DISC1: variants seen among roughly 807,000 people sequenced by gnomAD.
The protein encoded by DISC1 is disrupted in schizophrenia 1 protein.
Under a neutral mutation model 84.5 loss-of-function variants are expected in DISC1, and 57 were observed. That is an observed-to-expected ratio of 0.67 (90% CI 0.55 to 0.84). DISC1 has a LOEUF of 0.84. Among genes scored for constraint, DISC1 ranks in the 40% least tolerant of loss-of-function variants. DISC1 has a pLI of 0.00. For missense variants in DISC1, 1,000 were observed against 1,057.8 expected (o/e 0.95, Z 0.76); for synonymous variants, 411 against 415.2 (o/e 0.99, Z 0.12).
At chr1:231,887,845 G>A (rs1222959325) in intron 9 of DISC1, among the ~76,000 whole-genome samples, 1 of 152,180 alleles carries the variant, frequency 6.6e-6, no homozygotes, top group Non-Finnish European at 1.5e-5. Context: ...AACTTTAAAG[G>A]TGAATTATTC....
chr1:231,641,899 C>A (rs2883923), intron 1 of DISC1, among the ~76,000 whole-genome samples: 3 of 152,212 alleles, frequency 2.0e-5, no homozygotes, highest in African/African-American at 7.2e-5. Context: ...CAGTGGATCC[C>A]GCACCGGGGC....
intron 2 of DISC1, among the ~76,000 whole-genome samples, chr1:231,699,989 G>A (rs753844204): frequency 6.6e-6 from 1 of 152,120 alleles, no homozygotes; most frequent in Non-Finnish European, 1.5e-5. Flanking sequence ...CCCTCTGTGG[G>A]AATATTTTTC....
chr1:231,757,900 C>A (rs966367151), intron 4 of DISC1, among the ~76,000 whole-genome samples: 1 of 151,932 alleles, frequency 6.6e-6, no homozygotes, highest in African/African-American at 2.4e-5. Flanking sequence ...CCGATTCCCT[C>A]CACAACTGGG....
chr1:231,867,300 A>G (rs1348226185), intron 9 of DISC1, among the ~76,000 whole-genome samples: 1 of 152,238 alleles, frequency 6.6e-6, no homozygotes, highest in Non-Finnish European at 1.5e-5. Flanking sequence ...AGAAAGATTT[A>G]AAGAAAGTAA....
At chr1:231,737,622 G>A (rs2072683291) in intron 3 of DISC1, among the ~76,000 whole-genome samples, 1 of 152,202 alleles carries the variant, frequency 6.6e-6, no homozygotes, top group Non-Finnish European at 1.5e-5. Context: ...ACACAAATGA[G>A]GAGACTTAGA....
At chr1:231,790,307 G>A (rs2078233737) in intron 6 of DISC1, among the ~76,000 whole-genome samples, 1 of 152,100 alleles carries the variant, frequency 6.6e-6, no homozygotes, top group African/African-American at 2.4e-5. Flanking sequence ...GTCTGCTAGG[G>A]CTGTCGTAAT....
chr1:231,718,863 A>G (rs1486795306), intron 3 of DISC1, among the ~76,000 whole-genome samples: 1 of 152,188 alleles, frequency 6.6e-6, no homozygotes, highest in Non-Finnish European at 1.5e-5. Flanking sequence ...CTGGTTGGTC[A>G]TGGTGTGGCT....
chr1:231,800,032 T>G, intron 7 of DISC1, 76 bp from the exon 8 acceptor site: 1 of 1,076,386 alleles, frequency 9.3e-7, no homozygotes. Context: ...CCCAGAAATC[T>G]CTGACCTGGC....
intron 10 of DISC1, among the ~76,000 whole-genome samples, chr1:231,991,554 G>C (rs1350212205): frequency 1.3e-5 from 2 of 152,208 alleles, no homozygotes; most frequent in African/African-American, 4.8e-5. Context: ...CGTTGAGCTT[G>C]CACTGATCAA....
At chr1:231,941,548 C>T (rs1454215217) in intron 9 of DISC1, among the ~76,000 whole-genome samples, 5 of 151,808 alleles carry the variant, frequency 3.3e-5, no homozygotes, top group Admixed American at 2.0e-4. Context: ...TCTCAGCTCA[C>T]TGCAACCTCT....
intron 3 of DISC1, among the ~76,000 whole-genome samples, chr1:231,710,016 G>C (rs541976236): frequency 1.3e-5 from 2 of 152,252 alleles, no homozygotes; most frequent in South Asian, 2.1e-4. Context: ...GACCTCAGCT[G>C]CTCCATAGAA....
chr1:231,691,885 TC>T (rs2065063210), intron 1 of DISC1, among the ~76,000 whole-genome samples: 1 of 152,184 alleles, frequency 6.6e-6, no homozygotes, highest in Non-Finnish European at 1.5e-5. Flanking sequence ...GAGCCTCACA[TC>T]CTCGGATGAC....
At position 231,826,019 on chromosome 1, in the gene DISC1, G is replaced by T. The variant is rs189624282; in HGVS notation, c.1981+7502G>T. Among the ~76,000 whole-genome samples, 13 of 152,292 alleles carry T rather than the reference G, an allele frequency of 8.5e-5. No homozygotes were observed. Among genetic ancestry groups the T allele is most frequent in the South Asian group, 2.1e-4 (1 of 4,822 alleles). On this transcript the variant is annotated intron_variant, in intron 9 of 12. Coordinates refer to ENST00000439617, the MANE Select transcript of DISC1 (RefSeq NM_018662.3). This position sits in a 1 kb window ranked among gnomAD's most constrained non-coding sequence, Gnocchi z 4.2. Reference sequence around the variant, plus strand: ...GAAGAAAAGGAATGATCCCTTGTACGAAGTCACCCTCTTTTTAGTAACAAA... The same window carrying T: ...GAAGAAAAGGAATGATCCCTTGTACTAAGTCACCCTCTTTTTAGTAACAAA...
chr1:232,021,264 A>ATC (rs1311588313), intron 11 of DISC1, among the ~76,000 whole-genome samples: 1 of 152,004 alleles, frequency 6.6e-6, no homozygotes, highest in Non-Finnish European at 1.5e-5. Flanking sequence ...TTGCACTCAG[A>ATC]TATGTTGGAC....
chr1:231,722,857 G>T, intron 3 of DISC1: 1 of 1,406,592 alleles, frequency 7.1e-7, no homozygotes, highest in Non-Finnish European at 9.2e-7. Flanking sequence ...GCGTTTCCCA[G>T]TCCCCTGTCA....
intron 3 of DISC1, among the ~76,000 whole-genome samples, chr1:231,728,257 A>T (rs995244724): frequency 5.3e-5 from 8 of 152,152 alleles, no homozygotes; most frequent in Non-Finnish European, 1.2e-4. Context: ...TAAAGCCAAG[A>T]TTTGTTTTTT....
intron 6 of DISC1, chr1:231,771,713 G>T: frequency 7.4e-6 from 3 of 407,720 alleles, no homozygotes; most frequent in South Asian, 1.0e-4. Context: ...CTGAAGCCCG[G>T]TCTTCTCCAC....
intron 1 of DISC1, among the ~76,000 whole-genome samples, chr1:231,687,491 C>A (rs1206132355): frequency 5.9e-5 from 9 of 152,156 alleles, no homozygotes; most frequent in Admixed American, 4.6e-4. Context: ...CCCCATCATT[C>A]CATTGATGTC....
At chr1:231,797,614 C>T (rs375039785) in intron 7 of DISC1, among the ~76,000 whole-genome samples, 1 of 152,104 alleles carries the variant, frequency 6.6e-6, no homozygotes. Flanking sequence ...ACCTTCATGA[C>T]CTGATCACCT....
Sources: allele counts gnomAD v4.1 joint callset (sites outside exome capture counted in the v4.1 genomes callset), GRCh38; gene constraint gnomAD v4.1.1; non-coding constraint Gnocchi (gnomAD v3.1); transcripts MANE v1.5; gene names NCBI Gene and HGNC (gene_info 2026-07-23, HGNC 2026-07-21).